CCSER1: variants seen among roughly 807,000 people sequenced by gnomAD.
CCSER1 encodes the protein coiled-coil serine rich protein 1.
In CCSER1, 41 loss-of-function variants were observed where a neutral mutation model predicts 82.0. The ratio of observed to expected loss-of-function variants is 0.50; its 90% CI spans 0.39 to 0.65. CCSER1 has a LOEUF of 0.65. Among genes scored for constraint, CCSER1 ranks in the 30% least tolerant of loss-of-function variants. CCSER1 has a pLI of 0.00. For synonymous variants in CCSER1, 414 were observed against 383.9 expected (o/e 1.08, Z -0.92); for missense variants, 1,119 against 1,064.2 (o/e 1.05, Z -0.72).
At chr4:91,062,774 T>C (rs779866302) in intron 9 of CCSER1, among the ~76,000 whole-genome samples, 31 of 152,128 alleles carry the variant, frequency 2.0e-4, no homozygotes, top group Non-Finnish European at 3.5e-4. Flanking sequence ...TTCAATAAAA[T>C]GATTTTTTTG....
At chr4:91,436,176 G>T (rs1225632426) in intron 10 of CCSER1, among the ~76,000 whole-genome samples, 2 of 152,138 alleles carry the variant, frequency 1.3e-5, no homozygotes, top group Non-Finnish European at 2.9e-5. Flanking sequence ...AACCTAATAA[G>T]ACTTTCTATT....
intron 9 of CCSER1, among the ~76,000 whole-genome samples, chr4:91,071,378 G>A (rs923225591): frequency 6.6e-6 from 1 of 152,180 alleles, no homozygotes; most frequent in East Asian, 1.9e-4. Context: ...TGCTCATTGA[G>A]AAGGTGAGAT....
chr4:90,420,007 C>T (rs1687953237), intron 4 of CCSER1, among the ~76,000 whole-genome samples: 1 of 151,930 alleles, frequency 6.6e-6, no homozygotes, highest in East Asian at 1.9e-4. Flanking sequence ...GATAGCTGTG[C>T]GAAAGGCTTT....
chr4:90,449,040 C>T (rs1761083778), intron 4 of CCSER1, among the ~76,000 whole-genome samples: 1 of 152,168 alleles, frequency 6.6e-6, no homozygotes, highest in Admixed American at 6.5e-5. Context: ...CAGATTGTCC[C>T]AACATCTGTT....
intron 7 of CCSER1, among the ~76,000 whole-genome samples, chr4:90,732,934 A>T (rs1745014487): frequency 6.6e-6 from 1 of 152,114 alleles, no homozygotes; most frequent in South Asian, 2.1e-4. Context: ...TCATCTGTTG[A>T]TAGTCACTTG....
intron 1 of CCSER1, among the ~76,000 whole-genome samples, chr4:90,274,308 A>G (rs1235008347): frequency 6.6e-6 from 1 of 152,168 alleles, no homozygotes; most frequent in East Asian, 1.9e-4. Context: ...AAAAAATAGA[A>G]AACTACCAGG....
In CCSER1 at chr4:91,324,540, ATTAT is replaced by A. The variant is rs556182727; in HGVS notation, c.2217+238550_2217+238553del. 6.6e-5 allele frequency among the ~76,000 whole-genome samples: 10 copies of A among 152,198 alleles called. 1 individual carries two copies. Among genetic ancestry groups the A allele is most frequent in the South Asian group, 4.1e-4 (2 of 4,832 alleles). On this transcript the variant is annotated intron_variant, in intron 10 of 10. Transcript: ENST00000509176. ...AAAATATTACATAGAACAATATTGTATTATTTAAGAATACAGTAGTTTATATTTA... is the reference window on the plus strand; with the variant it reads ...AAAATATTACATAGAACAATATTGTATTAAGAATACAGTAGTTTATATTTA...
At chr4:91,247,066 C>A (rs1320902316) in intron 10 of CCSER1, among the ~76,000 whole-genome samples, 1 of 151,942 alleles carries the variant, frequency 6.6e-6, no homozygotes, top group Non-Finnish European at 1.5e-5. Context: ...CTTTGGGAGG[C>A]CGAGGCGGGT....
At chr4:90,885,791 TA>T (rs776244593) in intron 8 of CCSER1, among the ~76,000 whole-genome samples, 43 of 152,224 alleles carry the variant, frequency 2.8e-4, no homozygotes, top group Non-Finnish European at 4.9e-4. Flanking sequence ...CATCAACTGT[TA>T]CAGCAAATCT....
chr4:90,463,574 G>A (rs895334949), intron 4 of CCSER1, among the ~76,000 whole-genome samples: 17 of 152,104 alleles, frequency 1.1e-4, no homozygotes, highest in African/African-American at 3.4e-4. Flanking sequence ...CTTTATCAGC[G>A]GGTTGTTATG....
intron 1 of CCSER1, among the ~76,000 whole-genome samples, chr4:90,286,509 A>C (rs1209292792): frequency 6.6e-6 from 1 of 152,020 alleles, no homozygotes; most frequent in Non-Finnish European, 1.5e-5. Flanking sequence ...TTTTTATAAA[A>C]ATTATTTTTC....
intron 4 of CCSER1, chr4:90,403,953 A>C (rs370856102): frequency 1.2e-4 from 19 of 152,324 alleles, no homozygotes; most frequent in Middle Eastern, 3.4e-3. Flanking sequence ...CAGGAAAGCC[A>C]AGAGAATCCA....
chr4:90,339,059 A>G (rs1193938392), intron 3 of CCSER1, among the ~76,000 whole-genome samples: 1 of 152,182 alleles, frequency 6.6e-6, no homozygotes, highest in African/African-American at 2.4e-5. Flanking sequence ...AATTGTTTAT[A>G]TATTTATAGC....
At chr4:91,464,795 A>G (rs11097317) in intron 10 of CCSER1, among the ~76,000 whole-genome samples, 102,733 of 152,018 alleles carry the variant, frequency 0.68, 35,027 homozygotes, top group East Asian at 0.89. Context: ...AATTCAACAA[A>G]AAGAGCTAAC....
intron 10 of CCSER1, among the ~76,000 whole-genome samples, chr4:91,223,965 T>A (rs970014028): frequency 6.6e-6 from 1 of 151,994 alleles, no homozygotes; most frequent in African/African-American, 2.4e-5. Flanking sequence ...AATAGTAAGG[T>A]ACCTTTTTAT....
At chr4:91,117,044 G>T (rs1325615786) in intron 10 of CCSER1, among the ~76,000 whole-genome samples, 2 of 152,102 alleles carry the variant, frequency 1.3e-5, no homozygotes, top group Non-Finnish European at 2.9e-5. Flanking sequence ...CTCCATGCAG[G>T]TTTTGAGCCA....
At position 91,309,589 on chromosome 4, in the gene CCSER1, G is replaced by A. The variant is rs147484002; in HGVS notation, c.2217+223595G>A. ...TGATATTGACTTGCCACAAATGAATGTTTGCTTAAGACAGTGTTACATGTT... is the reference window on the plus strand; with the variant it reads ...TGATATTGACTTGCCACAAATGAATATTTGCTTAAGACAGTGTTACATGTT... On this transcript the variant is annotated intron_variant, in intron 10 of 10. Coordinates refer to ENST00000509176, the MANE Select transcript of CCSER1 (RefSeq NM_001145065.2). 1.7e-3 allele frequency among the ~76,000 whole-genome samples: 258 copies of A among 152,010 alleles called. 1 individual carries two copies. The highest frequency in any genetic ancestry group is 6.0e-3 in the African/African-American group (249 of 41,504).
At chr4:91,297,624 G>A (rs1003213474) in intron 10 of CCSER1, among the ~76,000 whole-genome samples, 1 of 151,910 alleles carries the variant, frequency 6.6e-6, no homozygotes, top group African/African-American at 2.4e-5. Flanking sequence ...AGTCACACAA[G>A]GGAAAAGTTC....
chr4:90,128,494 C>CGTGTGTGTGTGT (rs147426828), intron 1 of CCSER1, among the ~76,000 whole-genome samples: 8 of 149,954 alleles, frequency 5.3e-5, no homozygotes, highest in African/African-American at 1.2e-4. Flanking sequence ...AGGTTGTGTG[C>CGTGTGTGTGTGT]GTGTGTGTGT....
Sources: allele counts gnomAD v4.1 joint callset (sites outside exome capture counted in the v4.1 genomes callset), GRCh38; gene constraint gnomAD v4.1.1; transcripts MANE v1.5; gene names NCBI Gene and HGNC (gene_info 2026-07-23, HGNC 2026-07-21).